PLCB1: variants seen among roughly 807,000 people sequenced by gnomAD.
PLCB1 encodes the protein phospholipase C beta 1.
A neutral mutation model predicts 161.8 loss-of-function variants in PLCB1; 46 were observed. The observed-to-expected ratio is 0.28, with a 90% CI of 0.22 to 0.36. PLCB1 has a LOEUF of 0.36. Among genes scored for constraint, PLCB1 ranks in the 10% least tolerant of loss-of-function variants. The probability of loss-of-function intolerance (pLI) is 1.00; values close to 1 mark genes in which losing one functional copy is unlikely to be tolerated. For missense variants in PLCB1, 1,016 were observed against 1,472.5 expected (o/e 0.69, Z 5.07); for synonymous variants, 517 against 503.7 (o/e 1.03, Z -0.35).
chr20:8,220,593 G>A (rs1979352572), intron 2 of PLCB1, among the ~76,000 whole-genome samples: 1 of 152,182 alleles, frequency 6.6e-6, no homozygotes, highest in African/African-American at 2.4e-5. Context: ...TGATACAGCT[G>A]CAAGCCAGGG....
intron 10 of PLCB1, among the ~76,000 whole-genome samples, chr20:8,689,287 A>C (rs1437946603): frequency 2.6e-5 from 4 of 152,164 alleles, no homozygotes; most frequent in African/African-American, 9.6e-5. Context: ...TATCGTCAGC[A>C]GTCAGGGACA....
intron 3 of PLCB1, among the ~76,000 whole-genome samples, chr20:8,546,591 T>C (rs1272086475): frequency 6.6e-6 from 1 of 152,146 alleles, no homozygotes; most frequent in Non-Finnish European, 1.5e-5. Context: ...ATGCAACCTG[T>C]GTTTCTAAAG....
chr20:8,446,480 T>A (rs1361750138), intron 3 of PLCB1, among the ~76,000 whole-genome samples: 2 of 152,152 alleles, frequency 1.3e-5, no homozygotes, highest in Non-Finnish European at 2.9e-5. Flanking sequence ...CTGAAAGCAT[T>A]CCCTTTGAAA....
chr20:8,275,767 G>A (rs923967042), intron 2 of PLCB1, among the ~76,000 whole-genome samples: 6 of 152,172 alleles, frequency 3.9e-5, no homozygotes, highest in African/African-American at 7.2e-5. Context: ...CTTTGCAGAT[G>A]GTGCATTGTC....
At chr20:8,524,146 G>A (rs74689191) in intron 3 of PLCB1, among the ~76,000 whole-genome samples, 1 of 151,996 alleles carries the variant, frequency 6.6e-6, no homozygotes, top group Admixed American at 6.6e-5. Context: ...AAAATAGCAA[G>A]ATTGTTATTA....
At chr20:8,161,578 A>AT (rs527782544) in intron 2 of PLCB1, among the ~76,000 whole-genome samples, 4 of 152,042 alleles carry the variant, frequency 2.6e-5, no homozygotes, top group South Asian at 2.1e-4. Flanking sequence ...TGCCTGCAGG[A>AT]TTTTTTTCCT....
At chr20:8,785,109 G>A (rs201325954) in intron 27 of PLCB1, among the ~76,000 whole-genome samples, 1 of 71,488 alleles carries the variant, frequency 1.4e-5, no homozygotes, top group Non-Finnish European at 3.3e-5. Context: ...AAACCAATTA[G>A]GGGGCCAACA....
rs57511588 is a variant in PLCB1 at position 8,582,988 on chromosome 20, CAA to C, written c.247-45292_247-45291del. On this transcript the variant is annotated intron_variant, in intron 3 of 31. Coordinates refer to ENST00000338037, the MANE Select transcript of PLCB1 (RefSeq NM_015192.4). ...TGGGTGACAGAGTGAGACTCCATCT[CAA>C]AAAAAAAAAAAAAGAAAAGGAAAAT... 8.1e-4 allele frequency among the ~76,000 whole-genome samples: 102 copies of C among 125,156 alleles called. 3 individuals carry two copies. In the East Asian group the frequency reaches 9.6e-3, roughly 12 times the overall value. The allele number at this position is 125,156 out of a possible 152,430, so 82.1% of individuals were successfully genotyped here. A position where few individuals can be genotyped will look rare whatever the true frequency, so the allele number is the denominator to read the frequency against.
intron 3 of PLCB1, among the ~76,000 whole-genome samples, chr20:8,432,782 A>C (rs888930325): frequency 1.3e-5 from 2 of 151,828 alleles, no homozygotes; most frequent in Non-Finnish European, 2.9e-5. Context: ...CCAGCCAAAC[A>C]AGGAGGAGAG....
chr20:8,757,522 T>C (rs6056066), intron 24 of PLCB1, among the ~76,000 whole-genome samples: 139,888 of 152,250 alleles, frequency 0.92, 64,666 homozygotes, highest in East Asian at 1. Context: ...ATTCTTAGTC[T>C]TGCTTCATTA....
chr20:8,384,621 C>T (rs1987367004), intron 3 of PLCB1, among the ~76,000 whole-genome samples: 1 of 152,000 alleles, frequency 6.6e-6, no homozygotes, highest in African/African-American at 2.4e-5. Context: ...TTTGGGTTTT[C>T]AGTGTTTTTT....
chr20:8,475,050 C>G (rs1333083109), intron 3 of PLCB1, among the ~76,000 whole-genome samples: 1 of 151,562 alleles, frequency 6.6e-6, no homozygotes, highest in Non-Finnish European at 1.5e-5. Flanking sequence ...CACACACACT[C>G]TTTAGTATAT....
At chr20:8,674,144 C>T (rs1298634990) in intron 9 of PLCB1, among the ~76,000 whole-genome samples, 2 of 152,218 alleles carry the variant, frequency 1.3e-5, no homozygotes, top group Non-Finnish European at 2.9e-5. Context: ...ATGAAACTCA[C>T]AATCCCTGGA....
Position 8,132,490 on chromosome 20 carries a change from G to A in PLCB1, c.-162G>A. ...GCGCTCTGCCTGCTGAGCGGCGCCG[G>A]AGGGAGGTGCGGAGGCCGGGAGGCC... is the stretch of plus-strand genomic sequence containing the variant. On this transcript the variant is annotated 5_prime_UTR_variant, in exon 1 of 32. Coordinates refer to ENST00000338037, the MANE Select transcript of PLCB1 (RefSeq NM_015192.4). This position sits in a 1 kb window ranked among gnomAD's most constrained non-coding sequence, Gnocchi z 5.2. The A allele has an allele frequency of 2.7e-6, 1 of 375,834 alleles. No individual in the cohort carries two copies. The highest frequency in any genetic ancestry group is 4.2e-5 in the East Asian group (1 of 23,602). 23.3% of individuals were successfully genotyped at this position (375,834 alleles called of 1,614,324 possible). A position where few individuals can be genotyped will look rare whatever the true frequency, so the allele number is the denominator to read the frequency against.
intron 27 of PLCB1, among the ~76,000 whole-genome samples, chr20:8,777,948 G>T (rs1239601306): frequency 6.6e-6 from 1 of 152,052 alleles, no homozygotes; most frequent in Non-Finnish European, 1.5e-5. Context: ...AAAACTGTCA[G>T]ATCTCCTGAG....
chr20:8,802,210 G>GGTGGT, intron 31 of PLCB1: 1 of 1,107,276 alleles, frequency 9.0e-7, no homozygotes, highest in Non-Finnish European at 1.4e-6. Flanking sequence ...TTGAGAGAAG[G>GGTGGT]GTGGTGTGTA....
chr20:8,761,488 G>A (rs1982025389), intron 25 of PLCB1, among the ~76,000 whole-genome samples: 1 of 152,134 alleles, frequency 6.6e-6, no homozygotes, highest in Non-Finnish European at 1.5e-5. Flanking sequence ...AATTACTTGA[G>A]GAAAGTATTA....
intron 2 of PLCB1, among the ~76,000 whole-genome samples, chr20:8,198,136 A>G (rs1321538508): frequency 3.3e-5 from 5 of 152,198 alleles, no homozygotes; most frequent in South Asian, 2.1e-4. Context: ...TTGACTTGAC[A>G]ATGCGGGCTC....
intron 1 of PLCB1, among the ~76,000 whole-genome samples, chr20:8,145,851 A>G (rs1376677592): frequency 6.6e-6 from 1 of 152,224 alleles, no homozygotes; most frequent in African/African-American, 2.4e-5. Flanking sequence ...TTGACATGTA[A>G]TCAATGTCAG....
Sources: gnomAD v4.1 joint callset for allele counts (sites outside exome capture counted in the v4.1 genomes callset) on GRCh38, gnomAD v4.1.1 for gene constraint, Gnocchi (gnomAD v3.1) non-coding constraint, MANE v1.5 for transcripts, NCBI Gene and HGNC (gene_info 2026-07-23, HGNC 2026-07-21) for gene names.